The following GNA14 variants were observed in gnomAD, a reference collection of about 807,000 sequenced individuals.
GNA14 encodes guanine nucleotide-binding protein subunit alpha-14.
In GNA14, 50 loss-of-function variants were observed where a neutral mutation model predicts 42.0. That is an observed-to-expected ratio of 1.19 (90% confidence interval 0.95 to 1.51). The LOEUF is 1.51. GNA14 is among the 40% of genes most tolerant of loss of function. The probability of loss-of-function intolerance (pLI) is 0.00; values close to 1 mark genes in which losing one functional copy is unlikely to be tolerated. For missense variants in GNA14, 473 were observed against 446.2 expected, an observed-to-expected ratio of 1.06 and a Z score of -0.54; for synonymous variants, 173 against 163.1, an observed-to-expected ratio of 1.06 and a Z score of -0.46.
intron 2 of GNA14, among the ~76,000 whole-genome samples, chr9:77,438,395 G>A (rs1835672868): frequency 6.6e-6 from 1 of 151,896 alleles, no homozygotes; most frequent in African/African-American, 2.4e-5. Flanking sequence ...AGCCTCCCGA[G>A]TAGCTGGGAT....
chr9:77,444,689 T>A (rs535992952), intron 2 of GNA14, among the ~76,000 whole-genome samples: 1 of 152,250 alleles, frequency 6.6e-6, no homozygotes, highest in South Asian at 2.1e-4. Flanking sequence ...CACGGTTCAG[T>A]CCCCATCATA....
At chr9:77,567,215 GAAGC>G (rs1774924059) in intron 1 of GNA14, among the ~76,000 whole-genome samples, 1 of 151,974 alleles carries the variant, frequency 6.6e-6, no homozygotes, top group African/African-American at 2.4e-5. Context: ...TAGTCTTTAG[GAAGC>G]AAGATTATTG....
At chr9:77,458,511 T>G (rs1466210511) in intron 2 of GNA14, among the ~76,000 whole-genome samples, 3 of 152,152 alleles carry the variant, frequency 2.0e-5, no homozygotes, top group Non-Finnish European at 4.4e-5. Context: ...AGCCCAGATA[T>G]CAAAGTCTCA....
chr9:77,435,063 A>AAC (rs1835621988), intron 2 of GNA14, among the ~76,000 whole-genome samples: 1 of 151,624 alleles, frequency 6.6e-6, no homozygotes, highest in South Asian at 2.1e-4. Flanking sequence ...AAAAAAAAAA[A>AAC]AAAAAAAAAC....
rs1349142218 is a variant in GNA14, at chr9:77,632,490, G to C, written c.124+15180C>G. 1.1e-4 allele frequency among the ~76,000 whole-genome samples: 17 copies of C among 152,166 alleles called. 1 individual carries two copies. On this transcript the variant is annotated intron_variant, in intron 1 of 6. Coordinates refer to ENST00000341700, the MANE Select transcript of GNA14 (RefSeq NM_004297.4). ...TGGCCCTGTAGGGGCTAAAAGAGCT[G>C]TAACACAAACAGGGCTGAAATATGC...
intron 2 of GNA14, among the ~76,000 whole-genome samples, chr9:77,480,109 G>A (rs2131727919): frequency 6.6e-6 from 1 of 152,146 alleles, no homozygotes; most frequent in African/African-American, 2.4e-5. Flanking sequence ...TGGTGAGAGA[G>A]GGCATCCCTG....
At chr9:77,458,909 G>GT (rs1554689053) in intron 2 of GNA14, among the ~76,000 whole-genome samples, 7 of 151,098 alleles carry the variant, frequency 4.6e-5, no homozygotes, top group African/African-American at 1.7e-4. Flanking sequence ...GCTGGAGGGG[G>GT]GGGGGTTGTC....
At chr9:77,567,136 A>C (rs149423308) in intron 1 of GNA14, among the ~76,000 whole-genome samples, 28 of 152,272 alleles carry the variant, frequency 1.8e-4, no homozygotes, top group African/African-American at 6.5e-4. Flanking sequence ...TATATATCTA[A>C]ATCTGTTATG....
chr9:77,527,627 T>C (rs1837460623), intron 2 of GNA14, among the ~76,000 whole-genome samples: 1 of 152,110 alleles, frequency 6.6e-6, no homozygotes, highest in African/African-American at 2.4e-5. Flanking sequence ...CCCCACACAA[T>C]TTTTTTGTTT....
At chr9:77,630,898 C>G (rs1392889068) in intron 1 of GNA14, among the ~76,000 whole-genome samples, 1 of 152,176 alleles carries the variant, frequency 6.6e-6, no homozygotes, top group Non-Finnish European at 1.5e-5. Context: ...GCACTGCTCA[C>G]CAGCTGGCCC....
chr9:77,465,214 C>T (rs757611007), intron 2 of GNA14, among the ~76,000 whole-genome samples: 9 of 152,208 alleles, frequency 5.9e-5, no homozygotes, highest in Non-Finnish European at 1.3e-4. Flanking sequence ...AATAAGACAA[C>T]CTCTGTCTCT....
At chr9:77,602,606 T>TA (rs1347572874) in intron 1 of GNA14, among the ~76,000 whole-genome samples, 1 of 150,146 alleles carries the variant, frequency 6.7e-6, no homozygotes. Flanking sequence ...CTCTCCAGCA[T>TA]AGACCATGGC....
Position 77,646,507 on chromosome 9 carries a change from C to T in GNA14, c.124+1163G>A, listed in dbSNP as rs1824354078. ...GGGGATAAGGATAAGGGGGTTCTTC[C>T]GCCCAGGTCTGAAGGCCATACTGGC... is the stretch of plus-strand genomic sequence containing the variant. On this transcript the variant is annotated intron_variant, in intron 1 of 6. Transcript: ENST00000341700. Among the ~76,000 whole-genome samples the T allele has an allele frequency of 3.3e-5, 5 of 152,132 alleles. No homozygotes were observed. The South Asian group carries it at 6.2e-4, about 19-fold the overall frequency.
intron 1 of GNA14, among the ~76,000 whole-genome samples, chr9:77,592,611 TGACTCATGAA>T (rs1348535909): frequency 2.0e-5 from 3 of 152,214 alleles, no homozygotes; most frequent in Non-Finnish European, 4.4e-5. Context: ...CCAGCCTGAA[TGACTCATGAA>T]GTTATTCCCT....
chr9:77,425,378 G>C (rs779961645), intron 6 of GNA14, among the ~76,000 whole-genome samples, 184 bp downstream of exon 6: 2 of 152,136 alleles, frequency 1.3e-5, no homozygotes, highest in African/African-American at 4.8e-5. Flanking sequence ...AAGCACATGT[G>C]GAGGTGCTGT....
chr9:77,447,057 G>A (rs1047924668), intron 2 of GNA14, among the ~76,000 whole-genome samples: 3 of 151,624 alleles, frequency 2.0e-5, no homozygotes, highest in Admixed American at 6.6e-5. Flanking sequence ...TCTGCCTCCC[G>A]GGTTCAAGCA....
intron 1 of GNA14, among the ~76,000 whole-genome samples, chr9:77,645,249 T>C (rs996389546): frequency 2.6e-5 from 4 of 152,238 alleles, no homozygotes; most frequent in African/African-American, 9.6e-5. Context: ...CTGAGGCACC[T>C]GAGCAGTGGA....
chr9:77,621,318 C>G (rs1056831234), intron 1 of GNA14, among the ~76,000 whole-genome samples: 1 of 152,156 alleles, frequency 6.6e-6, no homozygotes, highest in Non-Finnish European at 1.5e-5. Context: ...AATTTTTGGT[C>G]ATTTTCTGGT....
intron 1 of GNA14, among the ~76,000 whole-genome samples, chr9:77,548,934 T>C (rs1837756890): frequency 6.6e-6 from 1 of 151,434 alleles, no homozygotes; most frequent in South Asian, 2.1e-4. Context: ...AGAAAGCCTT[T>C]CTTTTTTTTT....
Sources: allele counts gnomAD v4.1 joint callset (sites outside exome capture counted in the v4.1 genomes callset), GRCh38; gene constraint gnomAD v4.1.1; transcripts MANE v1.5; gene names NCBI Gene and HGNC (gene_info 2026-07-23, HGNC 2026-07-21).